Variants in MAP2 observed in about 807,000 individuals in gnomAD.
MAP2 encodes the protein microtubule-associated protein 2.
Under a neutral mutation model 137.6 loss-of-function variants are expected in MAP2, and 14 were observed. The observed-to-expected ratio is 0.10, with a 90% CI of 0.07 to 0.16. The LOEUF is 0.16. Ranked by LOEUF, MAP2 falls within the 10% of genes least tolerant of loss-of-function variation. The probability of loss-of-function intolerance (pLI) is 1.00; values close to 1 mark genes in which losing one functional copy is unlikely to be tolerated. For synonymous variants in MAP2, 786 were observed against 782.3 expected (o/e 1.00, Z -0.08); for missense variants, 2,088 against 2,191.5 (o/e 0.95, Z 0.94).
At chr2:209,495,367 CT>C (rs199970121) in intron 1 of MAP2, among the ~76,000 whole-genome samples, 3,257 of 152,376 alleles carry the variant, frequency 0.021, 42 homozygotes, top group Non-Finnish European at 0.032. Flanking sequence ...AAATGAGCCC[CT>C]GACCCCCGTG....
At chr2:209,610,105 A>C (rs1331176871) in intron 3 of MAP2, among the ~76,000 whole-genome samples, 2 of 152,160 alleles carry the variant, frequency 1.3e-5, no homozygotes, top group African/African-American at 2.4e-5. Context: ...GACATTGGGG[A>C]ACTGACCTTG....
At chr2:209,640,087 T>C (rs181916335) in intron 4 of MAP2, among the ~76,000 whole-genome samples, 1 of 152,200 alleles carries the variant, frequency 6.6e-6, no homozygotes, top group African/African-American at 2.4e-5. Flanking sequence ...CTAGAAAGCT[T>C]CTTGTCCTTT....
At chr2:209,726,150 T>G (rs1444255587) in intron 14 of MAP2, among the ~76,000 whole-genome samples, 1 of 152,182 alleles carries the variant, frequency 6.6e-6, no homozygotes, top group African/African-American at 2.4e-5. Context: ...CAAGGTTTTT[T>G]TTCCTAAAAT....
At chr2:209,608,449 G>A (rs1033828196) in intron 3 of MAP2, among the ~76,000 whole-genome samples, 1 of 152,004 alleles carries the variant, frequency 6.6e-6, no homozygotes, top group Non-Finnish European at 1.5e-5. Context: ...ACCACACCTG[G>A]CTAATTTCTA....
intron 4 of MAP2, among the ~76,000 whole-genome samples, chr2:209,651,035 G>T (rs2094757409): frequency 6.6e-6 from 1 of 152,112 alleles, no homozygotes; most frequent in Non-Finnish European, 1.5e-5. Context: ...AAAATGTTGT[G>T]ATCCAAAAGT....
At chr2:209,502,999 C>CTTTT (rs71043931) in intron 1 of MAP2, among the ~76,000 whole-genome samples, 7 of 131,336 alleles carry the variant, frequency 5.3e-5, no homozygotes, top group East Asian at 2.3e-4. Context: ...GATTTTTTTT[C>CTTTT]TTTTTTTTTT....
chr2:209,486,467 C>G (rs530737624), intron 1 of MAP2, among the ~76,000 whole-genome samples: 1 of 152,256 alleles, frequency 6.6e-6, no homozygotes, highest in African/African-American at 2.4e-5. Context: ...CATGATCCAC[C>G]CGCCTCAGCC....
chr2:209,600,960 T>G (rs1024916099), intron 3 of MAP2, among the ~76,000 whole-genome samples: 1 of 152,190 alleles, frequency 6.6e-6, no homozygotes, highest in Non-Finnish European at 1.5e-5. Flanking sequence ...CAAGACACAC[T>G]GTTGAGAGGC....
chr2:209,578,906 C>A (rs1029699277), intron 2 of MAP2, among the ~76,000 whole-genome samples: 1 of 28,538 alleles, frequency 3.5e-5, no homozygotes, highest in African/African-American at 4.0e-5. Flanking sequence ...AATCACATAT[C>A]GGCCCTGGTT....
chr2:209,690,527 T>G, intron 7 of MAP2: 1 of 1,121,844 alleles, frequency 8.9e-7, no homozygotes, highest in Non-Finnish European at 1.1e-6. Flanking sequence ...GAGCTGAAAG[T>G]GTTCCTTTAG....
rs1394617185 is a variant in MAP2 at position 209,702,012 on chromosome 2, C to A, written c.4584+1674C>A. ...AATTAAATGTAATGATGTTATAAAA[C>A]AGTATGCAGTATAATGTTTAGAACA... On this transcript the variant is annotated intron_variant, in intron 11 of 15. Coordinates refer to ENST00000682079, the MANE Select transcript of MAP2 (RefSeq NM_001375505.1). Among the ~76,000 whole-genome samples the A allele has an allele frequency of 2.0e-5, 3 of 151,966 alleles. No individual in the cohort carries two copies. The South Asian group carries it at 6.2e-4, about 31-fold the overall frequency.
chr2:209,511,992 C>A (rs2061785321), intron 2 of MAP2, among the ~76,000 whole-genome samples: 1 of 152,066 alleles, frequency 6.6e-6, no homozygotes, highest in African/African-American at 2.4e-5. Flanking sequence ...TCTAGTCCTT[C>A]CTCCTAATTC....
Position 209,733,460 on chromosome 2 carries a change from C to CCCCACACACACA in MAP2, c.*3064_*3065insCCACACACACAC, listed in dbSNP as rs1302829476. The CCCCACACACACA allele has an allele frequency of 6.8e-6, 1 of 148,112 alleles. No homozygotes were observed. Among genetic ancestry groups the CCCCACACACACA allele is most frequent in the African/African-American group, 2.5e-5 (1 of 40,050 alleles). The allele number at this position is 148,112 out of a possible 1,614,324, so 9.2% of individuals were successfully genotyped here. A position where few individuals can be genotyped will look rare whatever the true frequency, so the allele number is the denominator to read the frequency against. ...AATGTACTGATTGTAGTGACCTTCT[C>CCCCACACACACA]CACACACACACACACACACACACAC... On this transcript the variant is annotated 3_prime_UTR_variant, in exon 16 of 16. Coordinates refer to ENST00000682079, the MANE Select transcript of MAP2 (RefSeq NM_001375505.1).
intron 3 of MAP2, among the ~76,000 whole-genome samples, chr2:209,599,654 G>T (rs777932637): frequency 7.9e-5 from 12 of 152,064 alleles, no homozygotes; most frequent in Non-Finnish European, 1.8e-4. Context: ...TTGCCTTCTT[G>T]TCAACAGAAC....
At chr2:209,649,328 T>C (rs1401461348) in intron 4 of MAP2, among the ~76,000 whole-genome samples, 1 of 152,128 alleles carries the variant, frequency 6.6e-6, no homozygotes, top group East Asian at 1.9e-4. Context: ...TTATCTTCTT[T>C]AATTGCACAT....
intron 5 of MAP2, among the ~76,000 whole-genome samples, chr2:209,663,263 T>A (rs776609619): frequency 7.2e-5 from 11 of 152,176 alleles, no homozygotes; most frequent in Non-Finnish European, 1.0e-4. Flanking sequence ...GCTTTGACTG[T>A]CAGGGGAGTC....
intron 1 of MAP2, among the ~76,000 whole-genome samples, chr2:209,464,307 T>A (rs980298971): frequency 1.3e-5 from 2 of 152,122 alleles, no homozygotes; most frequent in African/African-American, 4.8e-5. Flanking sequence ...ATAATATAGT[T>A]TATATTAGGA....
rs112134259 is a variant in MAP2 at position 209,472,729 on chromosome 2, C to G, written c.-221-34863C>G. 6.0e-3 allele frequency among the ~76,000 whole-genome samples: 911 copies of G among 150,798 alleles called. 6 individuals carry two copies. Among genetic ancestry groups the G allele is most frequent in the African/African-American group, 0.021 (856 of 40,798 alleles). On this transcript the variant is annotated intron_variant, in intron 1 of 15. Coordinates refer to ENST00000682079, the MANE Select transcript of MAP2 (RefSeq NM_001375505.1). The stretch of plus-strand genomic sequence containing the variant: ...GTAACACAGAGATGAGTGGTTAGAA[C>G]TACTCAAAAAAAAAATTATTGCCGT...
intron 4 of MAP2, among the ~76,000 whole-genome samples, chr2:209,646,241 T>C (rs1460674905): frequency 6.6e-6 from 1 of 152,072 alleles, no homozygotes; most frequent in Non-Finnish European, 1.5e-5. Context: ...AAGCAAAATA[T>C]AGGTTATCTT....
Sources: gnomAD v4.1 joint callset for allele counts (sites outside exome capture counted in the v4.1 genomes callset) on GRCh38, gnomAD v4.1.1 for gene constraint, MANE v1.5 for transcripts, NCBI Gene and HGNC (gene_info 2026-07-23, HGNC 2026-07-21) for gene names.